AMN1: variants seen among roughly 807,000 people sequenced by gnomAD.
AMN1 encodes the protein protein AMN1 homolog.
AMN1 carries 20 observed loss-of-function variants against 33.0 expected under a neutral mutation model. The ratio of observed to expected loss-of-function variants is 0.61; its 90% CI spans 0.43 to 0.88. AMN1 has a LOEUF of 0.88. AMN1 is among the 40% of genes least tolerant of loss of function. The pLI is 0.00. For synonymous variants in AMN1, 114 were observed against 111.9 expected, an observed-to-expected ratio of 1.02 and a Z score of -0.12; for missense variants, 246 against 307.4, an observed-to-expected ratio of 0.80 and a Z score of 1.49.
intron 1 of AMN1, among the ~76,000 whole-genome samples, chr12:31,724,346 T>G (rs1345503307): frequency 6.6e-6 from 1 of 152,166 alleles, no homozygotes; most frequent in Non-Finnish European, 1.5e-5. Context: ...GTGAATGCAG[T>G]AGCCCTGCGA....
chr12:31,724,849 A>T lies in AMN1; in HGVS notation c.38+4122T>A, dbSNP rs79734454. On this transcript the variant is annotated intron_variant, in intron 1 of 6. Coordinates refer to ENST00000281471, the MANE Select transcript of AMN1 (RefSeq NM_001113402.2). ...CTGCAATAGCAGGGAGTTGGGACAG[A>T]AACAAATCAAATAGTTCTTAAAATT... is the stretch of plus-strand genomic sequence containing the variant. 3.0e-4 allele frequency among the ~76,000 whole-genome samples: 46 copies of T among 152,358 alleles called. No homozygotes were observed. In the East Asian group the frequency reaches 8.5e-3, roughly 28 times the overall value.
intron 2 of AMN1, among the ~76,000 whole-genome samples, chr12:31,705,168 G>A (rs1380997779): frequency 6.6e-6 from 1 of 152,168 alleles, no homozygotes; most frequent in African/African-American, 2.4e-5. Flanking sequence ...AGGTTAAAGT[G>A]CAATTCCAAT....
Position 31,671,934 on chromosome 12 carries a change from C to G in AMN1, c.*370G>C, listed in dbSNP as rs569995036. 6.1e-6 allele frequency: 1 copy of G among 163,566 alleles called. No homozygotes were observed. The highest frequency in any genetic ancestry group is 1.3e-5 in the Non-Finnish European group (1 of 75,206). 10.1% of individuals were successfully genotyped at this position (163,566 alleles called of 1,614,324 possible). ...TAGATTCTCCCAAGGTTTATACTTA[C>G]AGGTAAACTTAGAACAATAGCTCAA... On this transcript the variant is annotated 3_prime_UTR_variant, in exon 7 of 7. Coordinates refer to ENST00000281471, the MANE Select transcript of AMN1 (RefSeq NM_001113402.2).
intron 6 of AMN1, among the ~76,000 whole-genome samples, chr12:31,677,168 C>T (rs1449334336): frequency 6.6e-6 from 1 of 152,054 alleles, no homozygotes; most frequent in Non-Finnish European, 1.5e-5. Context: ...GGCGTAGTGG[C>T]GTGCACCTGT....
chr12:31,697,779 GT>G lies in AMN1; in HGVS notation c.494del (p.Asn165ThrfsTer20). The G allele has an allele frequency of 6.2e-7, 1 of 1,613,914 alleles. No homozygotes were observed. Among genetic ancestry groups the G allele is most frequent in the Non-Finnish European group, 8.5e-7 (1 of 1,179,866 alleles). ...AGTCGACACACTGCAAAAATGGGCA[GT>G]TTTTTCCTAATGCATGTAAGGACAC... The part of the protein sequence containing the change: ...TDVSLHALGK[N>X]CPFLQCVDFS... On this transcript the variant is annotated frameshift_variant, in exon 4 of 7. Coordinates refer to ENST00000281471, the MANE Select transcript of AMN1 (RefSeq NM_001113402.2). LOFTEE classifies it high-confidence loss of function.
chr12:31,677,464 T>C (rs1207137801), intron 6 of AMN1, among the ~76,000 whole-genome samples: 2 of 152,218 alleles, frequency 1.3e-5, no homozygotes, highest in African/African-American at 4.8e-5. Context: ...GAAGGAATTA[T>C]AGATTGTGGT....
chr12:31,699,261 C>T (rs1938873469), intron 3 of AMN1, among the ~76,000 whole-genome samples: 1 of 151,556 alleles, frequency 6.6e-6, no homozygotes, highest in African/African-American at 2.4e-5. Context: ...CATGGTGTTA[C>T]ATGCCTGTAA....
At chr12:31,717,041 G>A (rs1021091859) in intron 1 of AMN1, among the ~76,000 whole-genome samples, 4 of 151,320 alleles carry the variant, frequency 2.6e-5, no homozygotes, top group Non-Finnish European at 4.4e-5. Context: ...TTTAAGTTCC[G>A]GGATATACAC....
At chr12:31,716,167 T>G (rs1939668051) in intron 1 of AMN1, among the ~76,000 whole-genome samples, 1 of 152,268 alleles carries the variant, frequency 6.6e-6, no homozygotes, top group South Asian at 2.1e-4. Context: ...TATCGTTACA[T>G]GTAGCTATAG....
intron 5 of AMN1, among the ~76,000 whole-genome samples, chr12:31,696,201 C>T (rs1050271396): frequency 1.3e-5 from 2 of 151,918 alleles, no homozygotes; most frequent in East Asian, 3.9e-4. Flanking sequence ...CACACCACTG[C>T]ACTCCAGCCT....
rs1443609471 is a variant in AMN1, at chr12:31,699,246, CT to C, written c.317-1290del. On this transcript the variant is annotated intron_variant, in intron 3 of 6. Coordinates refer to ENST00000281471, the MANE Select transcript of AMN1 (RefSeq NM_001113402.2). ...TCTCTACTAAAAATACAAAAATTAG[CT>C]GGGCATGGTGTTACATGCCTGTAAT... Among the ~76,000 whole-genome samples, 7 of 151,388 alleles carry C rather than the reference CT, an allele frequency of 4.6e-5. 1 individual carries two copies. Among genetic ancestry groups the C allele is most frequent in the African/African-American group, 1.7e-4 (7 of 41,282 alleles).
intron 1 of AMN1, among the ~76,000 whole-genome samples, chr12:31,724,226 T>C (rs1939979371): frequency 6.6e-6 from 1 of 152,150 alleles, no homozygotes; most frequent in Non-Finnish European, 1.5e-5. Flanking sequence ...ATAGAACAGT[T>C]ATAACAACAT....
chr12:31,696,920 C>CAAA (rs200986596), intron 5 of AMN1, among the ~76,000 whole-genome samples: 2 of 81,348 alleles, frequency 2.5e-5, no homozygotes, highest in African/African-American at 9.4e-5. Flanking sequence ...GACTCCGTCT[C>CAAA]AAAAAAAAAA....
chr12:31,684,404 ATC>A (rs1484884063), intron 6 of AMN1, among the ~76,000 whole-genome samples: 4 of 152,072 alleles, frequency 2.6e-5, no homozygotes, highest in Admixed American at 1.3e-4. Flanking sequence ...ATTAAAATTT[ATC>A]TGTTTTAATA....
intron 1 of AMN1, chr12:31,714,860 G>A (rs1195852401): frequency 2.1e-6 from 2 of 950,078 alleles, no homozygotes; most frequent in Admixed American, 6.2e-5. Context: ...TATAAACTAG[G>A]AGGATCTTTT....
intron 1 of AMN1, among the ~76,000 whole-genome samples, chr12:31,723,217 AACACACACGC>A (rs1939939471): frequency 1.3e-5 from 2 of 152,014 alleles, no homozygotes; most frequent in Non-Finnish European, 2.9e-5. Flanking sequence ...CACACACACA[AACACACACGC>A]ACACACACAC....
chr12:31,672,038 AG>A lies in AMN1; in HGVS notation c.*265del, dbSNP rs1951283353. The stretch of plus-strand genomic sequence containing the variant: ...TTTAAGAAACAGAATCCAACACCAT[AG>A]ATCAGAGTTCATGCTAGGATTATCA... On this transcript the variant is annotated 3_prime_UTR_variant, in exon 7 of 7. Transcript: ENST00000281471. 1 of 325,682 alleles carries A rather than the reference AG, an allele frequency of 3.1e-6. No individual in the cohort carries two copies. Among genetic ancestry groups the A allele is most frequent in the Non-Finnish European group, 5.6e-6 (1 of 177,612 alleles). The allele number at this position is 325,682 out of a possible 1,614,324, so 20.2% of individuals were successfully genotyped here.
At chr12:31,702,049 T>C (rs576031973) in intron 2 of AMN1, 42 bp from the exon 3 acceptor site, 4 of 1,467,304 alleles carry the variant, frequency 2.7e-6, no homozygotes, top group Admixed American at 4.7e-5. Flanking sequence ...TTTCTTTCTA[T>C]AAATACAAAT....
At chr12:31,697,569 A>C (rs1938785856) in intron 4 of AMN1, among the ~76,000 whole-genome samples, 152 bp from the exon 5 acceptor site, 1 of 152,240 alleles carries the variant, frequency 6.6e-6, no homozygotes, top group African/African-American at 2.4e-5. Context: ...TTGCTACTTA[A>C]TTGAGAGGAA....
Sources: allele counts gnomAD v4.1 joint callset (sites outside exome capture counted in the v4.1 genomes callset), GRCh38; gene constraint gnomAD v4.1.1; transcripts MANE v1.5; gene names NCBI Gene and HGNC (gene_info 2026-07-23, HGNC 2026-07-21).